LRP1B: variants seen among roughly 807,000 people sequenced by gnomAD.
LRP1B encodes LDL receptor related protein 1B, also known as low-density lipoprotein receptor-related protein 1B.
In LRP1B, 217 loss-of-function variants were observed where a neutral mutation model predicts 556.6. The ratio of observed to expected loss-of-function variants is 0.39; its 90% CI spans 0.35 to 0.44. The LOEUF (loss-of-function observed/expected upper bound fraction) is 0.44, where lower values mean the gene tolerates loss of function less well. LRP1B is among the 20% of genes least tolerant of loss of function. LRP1B has a pLI of 1.00. For missense variants in LRP1B, 5,053 were observed against 5,620.8 expected (o/e 0.90, Z 3.23); for synonymous variants, 2,047 against 1,865.8 (o/e 1.10, Z -2.50).
intron 35 of LRP1B, among the ~76,000 whole-genome samples, chr2:140,720,716 C>T (rs901985937): frequency 6.6e-6 from 1 of 152,010 alleles, no homozygotes; most frequent in African/African-American, 2.4e-5. Flanking sequence ...ACTTGTTGAC[C>T]ACCTTCTGTG....
intron 3 of LRP1B, among the ~76,000 whole-genome samples, chr2:141,377,224 C>T (rs975366592): frequency 6.6e-5 from 10 of 151,936 alleles, no homozygotes; most frequent in Middle Eastern, 3.2e-3. Flanking sequence ...AATATATTTT[C>T]GAAATATATT....
At chr2:140,664,979 TTTTAGA>T (rs1685217265) in intron 41 of LRP1B, among the ~76,000 whole-genome samples, 1 of 152,150 alleles carries the variant, frequency 6.6e-6, no homozygotes, top group South Asian at 2.1e-4. Context: ...AAATAATCAC[TTTTAGA>T]TTTAAACAAC....
chr2:141,212,090 A>G (rs1682578378), intron 6 of LRP1B, among the ~76,000 whole-genome samples: 2 of 152,154 alleles, frequency 1.3e-5, no homozygotes, highest in Admixed American at 1.3e-4. Context: ...TTAAAAAAGT[A>G]AAGTATTTTG....
At chr2:140,444,212 A>T in intron 65 of LRP1B, 118 bp downstream of exon 65, 1 of 1,075,922 alleles carries the variant, frequency 9.3e-7, no homozygotes, top group Non-Finnish European at 1.3e-6. Context: ...TAATTATTTG[A>T]CCATAATTTC....
chr2:140,955,740 G>A (rs1057135663), intron 18 of LRP1B, among the ~76,000 whole-genome samples: 11 of 151,486 alleles, frequency 7.3e-5, no homozygotes, highest in Admixed American at 2.0e-4. Context: ...TTCTCTCAAG[G>A]GTAATCGTGA....
In LRP1B at chr2:141,465,875, TG is replaced by T. The variant is rs535370214; in HGVS notation, c.343+14520del. On this transcript the variant is annotated intron_variant, in intron 3 of 90. Coordinates refer to ENST00000389484, the MANE Select transcript of LRP1B (RefSeq NM_018557.3). ...GCATGACTTTTATACCTCTCAGGTA[TG>T]TTTTTTTTTATTACTATTTTTATTT... Among the ~76,000 whole-genome samples the T allele has an allele frequency of 4.7e-5, 7 of 149,864 alleles. No homozygotes were observed. The South Asian group carries it at 1.1e-3, about 23-fold the overall frequency.
At position 140,702,310 on chromosome 2, in the gene LRP1B, A is replaced by G. The variant is rs573738188; in HGVS notation, c.6151-18T>C. The G allele has an allele frequency of 3.1e-6, 5 of 1,612,456 alleles. No homozygotes were observed. In the Admixed American group the frequency reaches 5.0e-5, roughly 16 times the overall value. ...TTATTTTCCTAAATATCGATTAAGAAGTAACGTTACAGACTATATTTGATT... is the reference window on the plus strand; with the variant it reads ...TTATTTTCCTAAATATCGATTAAGAGGTAACGTTACAGACTATATTTGATT... On this transcript the variant is annotated intron_variant, in intron 38 of 90. Transcript: ENST00000389484.
intron 2 of LRP1B, among the ~76,000 whole-genome samples, chr2:141,527,918 T>G (rs1277874215): frequency 6.6e-6 from 1 of 152,088 alleles, no homozygotes; most frequent in East Asian, 1.9e-4. Context: ...TTGTATGTAA[T>G]TTATATAATA....
At chr2:141,820,904 C>T (rs1220702538) in intron 1 of LRP1B, among the ~76,000 whole-genome samples, 1 of 152,206 alleles carries the variant, frequency 6.6e-6, no homozygotes, top group Admixed American at 6.5e-5. Flanking sequence ...TGTCACCTTA[C>T]ATAGTAAAAT....
chr2:141,521,872 C>T (rs1178516314), intron 2 of LRP1B, among the ~76,000 whole-genome samples: 1 of 152,012 alleles, frequency 6.6e-6, no homozygotes, highest in African/African-American at 2.4e-5. Context: ...ACTAATTTTA[C>T]CAATCTTAAT....
At chr2:140,510,819 A>G (rs979463002) in intron 51 of LRP1B, among the ~76,000 whole-genome samples, 1 of 152,138 alleles carries the variant, frequency 6.6e-6, no homozygotes, top group Non-Finnish European at 1.5e-5. Context: ...TTGGACTTTT[A>G]AGTACAAAGG....
chr2:141,652,245 A>G (rs6746348), intron 2 of LRP1B, among the ~76,000 whole-genome samples: 61,771 of 152,044 alleles, frequency 0.41, 13,023 homozygotes, highest in Non-Finnish European at 0.47. Context: ...TTCTTAAGAG[A>G]AATATTGAAA....
chr2:141,179,622 A>T (rs1442708809), intron 7 of LRP1B, among the ~76,000 whole-genome samples: 1 of 152,014 alleles, frequency 6.6e-6, no homozygotes, highest in Non-Finnish European at 1.5e-5. Flanking sequence ...TCAAAAGAAG[A>T]CCAAATACCT....
intron 2 of LRP1B, among the ~76,000 whole-genome samples, chr2:141,506,989 G>A (rs1484357706): frequency 2.6e-5 from 4 of 152,054 alleles, no homozygotes; most frequent in African/African-American, 9.7e-5. Context: ...ATACAAAGGT[G>A]ATGCTTATTA....
chr2:140,583,162 C>CTTTTTTTTTTTT lies in LRP1B; in HGVS notation c.7194+15468_7194+15469insAAAAAAAAAAAA, dbSNP rs1220644581. Among the ~76,000 whole-genome samples, 8 of 107,818 alleles carry CTTTTTTTTTTTT rather than the reference C, an allele frequency of 7.4e-5. 1 individual carries two copies. Among genetic ancestry groups the CTTTTTTTTTTTT allele is most frequent in the African/African-American group, 1.6e-4 (4 of 24,670 alleles). The allele number at this position is 107,818 out of a possible 152,430, so 70.7% of individuals were successfully genotyped here. A position where few individuals can be genotyped will look rare whatever the true frequency, so the allele number is the denominator to read the frequency against. On this transcript the variant is annotated intron_variant, in intron 43 of 90. Coordinates refer to ENST00000389484, the MANE Select transcript of LRP1B (RefSeq NM_018557.3). Reference sequence around the variant, plus strand: ...TGAAAGTTTCTATTGACAGTTTCTCCTTTTTTTTCTTTTTTTTTTTTTTTT... The same window carrying CTTTTTTTTTTTT: ...TGAAAGTTTCTATTGACAGTTTCTCCTTTTTTTTTTTTTTTTTTTTCTTTTTTTTTTTTTTTT...
intron 7 of LRP1B, among the ~76,000 whole-genome samples, chr2:141,071,936 A>G (rs1226579759): frequency 6.6e-6 from 1 of 152,188 alleles, no homozygotes; most frequent in Admixed American, 6.5e-5. Flanking sequence ...TGCCCAAGGT[A>G]ATTTATAGAT....
chr2:140,279,577 C>T (rs886383027), intron 84 of LRP1B, among the ~76,000 whole-genome samples: 7 of 151,918 alleles, frequency 4.6e-5, no homozygotes. Flanking sequence ...AATTACTACA[C>T]ACTCATATTT....
chr2:140,996,585 T>G (rs2380920), intron 15 of LRP1B, among the ~76,000 whole-genome samples: 31 of 151,838 alleles, frequency 2.0e-4, no homozygotes, highest in African/African-American at 7.5e-4. Context: ...GTGTAGAGTT[T>G]ATGCTCAAAA....
chr2:141,018,560 C>A (rs940811984), intron 12 of LRP1B, among the ~76,000 whole-genome samples: 1 of 152,026 alleles, frequency 6.6e-6, no homozygotes, highest in Non-Finnish European at 1.5e-5. Context: ...TCTGAATTTT[C>A]TTCTAAATTA....
Sources: allele counts gnomAD v4.1 joint callset (sites outside exome capture counted in the v4.1 genomes callset), GRCh38; gene constraint gnomAD v4.1.1; transcripts MANE v1.5; gene names NCBI Gene and HGNC (gene_info 2026-07-23, HGNC 2026-07-21).